The following PTPRD variants were observed in gnomAD, a reference collection of about 807,000 sequenced individuals.
PTPRD encodes protein tyrosine phosphatase receptor type D.
PTPRD carries 34 observed loss-of-function variants against 214.5 expected under a neutral mutation model. The observed-to-expected ratio is 0.16, with a 90% CI of 0.12 to 0.21. The LOEUF is 0.21. Among genes scored for constraint, PTPRD ranks in the 10% least tolerant of loss-of-function variants. The probability of loss-of-function intolerance (pLI) is 1.00; values close to 1 mark genes in which losing one functional copy is unlikely to be tolerated. For synonymous variants in PTPRD, 1,128 were observed against 845.7 expected (o/e 1.33, Z -5.79); for missense variants, 2,545 against 2,398.7 (o/e 1.06, Z -1.27).
chr9:10,507,984 A>G (rs1293820484), intron 2 of PTPRD, among the ~76,000 whole-genome samples: 2 of 152,188 alleles, frequency 1.3e-5, no homozygotes, highest in Non-Finnish European at 2.9e-5. Flanking sequence ...TGGCACAGCA[A>G]AAGAAACTAC....
At chr9:9,959,219 C>T (rs2094173682) in intron 4 of PTPRD, among the ~76,000 whole-genome samples, 1 of 151,996 alleles carries the variant, frequency 6.6e-6, no homozygotes, top group Non-Finnish European at 1.5e-5. Flanking sequence ...CCTTTGATGG[C>T]TAAGTGAAAT....
At chr9:9,309,358 T>C (rs1958169239) in intron 9 of PTPRD, among the ~76,000 whole-genome samples, 1 of 151,914 alleles carries the variant, frequency 6.6e-6, no homozygotes. Flanking sequence ...AAACAAAGAA[T>C]GTAATCTTTC....
intron 14 of PTPRD, among the ~76,000 whole-genome samples, chr9:8,585,139 T>A (rs1015627933): frequency 6.6e-6 from 1 of 152,152 alleles, no homozygotes; most frequent in East Asian, 1.9e-4. Flanking sequence ...AATACAATGC[T>A]TGCCACGTGA....
intron 4 of PTPRD, among the ~76,000 whole-genome samples, chr9:9,954,197 G>A (rs1011039381): frequency 2.7e-5 from 4 of 149,826 alleles, no homozygotes; most frequent in African/African-American, 9.8e-5. Context: ...TTGGGAGGCT[G>A]AGGGATGAGA....
At chr9:8,782,837 G>C (rs930724198) in intron 11 of PTPRD, among the ~76,000 whole-genome samples, 1 of 151,952 alleles carries the variant, frequency 6.6e-6, no homozygotes, top group African/African-American at 2.4e-5. Context: ...CTCGTGATCT[G>C]CCCTCCTTGG....
At chr9:9,297,535 C>T (rs1176638560) in intron 9 of PTPRD, among the ~76,000 whole-genome samples, 1 of 151,496 alleles carries the variant, frequency 6.6e-6, no homozygotes, top group African/African-American at 2.4e-5. Context: ...TCCAAAAAGA[C>T]ATATAGATTG....
intron 44 of PTPRD, 95 bp from the exon 45 acceptor site, chr9:8,320,061 C>T (rs1825817737): frequency 2.1e-6 from 3 of 1,439,276 alleles, no homozygotes; most frequent in South Asian, 1.4e-5. Flanking sequence ...AGCTTCCACA[C>T]TCCGTATCTC....
chr9:8,719,348 G>C (rs2098468032), intron 12 of PTPRD, among the ~76,000 whole-genome samples: 3 of 152,204 alleles, frequency 2.0e-5, no homozygotes, highest in African/African-American at 7.2e-5. Flanking sequence ...TGTTTATCAA[G>C]AGATGTGCTC....
chr9:10,482,529 G>C (rs1258598259), intron 2 of PTPRD, among the ~76,000 whole-genome samples: 3 of 151,408 alleles, frequency 2.0e-5, no homozygotes, highest in Admixed American at 6.6e-5. Context: ...AACCCTAAAA[G>C]ACCCCTCCAA....
chr9:8,599,815 C>CCATGTTGGT (rs1320176771), intron 14 of PTPRD, among the ~76,000 whole-genome samples: 1 of 151,894 alleles, frequency 6.6e-6, no homozygotes, highest in Non-Finnish European at 1.5e-5. Flanking sequence ...CGGGGCTTCT[C>CCATGTTGGT]CATGTTGGTC....
chr9:9,690,535 T>G (rs1258704514), intron 7 of PTPRD, among the ~76,000 whole-genome samples: 1 of 151,880 alleles, frequency 6.6e-6, no homozygotes, highest in Non-Finnish European at 1.5e-5. Context: ...TCTTATCCCC[T>G]CAAATCATTG....
At chr9:10,349,564 T>A (rs146312006) in intron 2 of PTPRD, among the ~76,000 whole-genome samples, 24 of 152,178 alleles carry the variant, frequency 1.6e-4, no homozygotes, top group African/African-American at 5.3e-4. Context: ...TGTCCCTCAG[T>A]ATTTTTTAGA....
At chr9:10,351,684 A>G (rs1242154709) in intron 2 of PTPRD, among the ~76,000 whole-genome samples, 3 of 150,716 alleles carry the variant, frequency 2.0e-5, no homozygotes, top group Non-Finnish European at 4.4e-5. Context: ...TTTTAATGAC[A>G]GAGAGGGTTC....
At chr9:10,374,614 C>G (rs570695824) in intron 2 of PTPRD, among the ~76,000 whole-genome samples, 77 of 152,086 alleles carry the variant, frequency 5.1e-4, no homozygotes, top group African/African-American at 1.8e-3. Flanking sequence ...ATCCTGCCTA[C>G]GTTTAGTGTC....
intron 5 of PTPRD, among the ~76,000 whole-genome samples, chr9:9,849,797 G>A (rs189587793): frequency 0.011 from 1,726 of 152,128 alleles, 9 homozygotes; most frequent in Non-Finnish European, 0.018. Context: ...AAGCCTCTAA[G>A]AATCAAATCA....
At chr9:9,342,093 G>A (rs2047028458) in intron 9 of PTPRD, among the ~76,000 whole-genome samples, 1 of 152,130 alleles carries the variant, frequency 6.6e-6, no homozygotes, top group African/African-American at 2.4e-5. Context: ...ACAGGTGTGA[G>A]CCACCACACC....
At chr9:9,953,641 A>G (rs2093648069) in intron 4 of PTPRD, among the ~76,000 whole-genome samples, 1 of 152,116 alleles carries the variant, frequency 6.6e-6, no homozygotes, top group Non-Finnish European at 1.5e-5. Flanking sequence ...GAGCAAATTA[A>G]CAGTCTGTGA....
In PTPRD at chr9:10,599,220, C is replaced by A. The variant is rs148348046; in HGVS notation, c.-600+13178G>T. On this transcript the variant is annotated intron_variant, in intron 2 of 45. Coordinates refer to ENST00000381196, the MANE Select transcript of PTPRD (RefSeq NM_002839.4). ...GCAGAAACCTGTATCTACGAATGACCATGAAAAAAACCATGTCATCCCATC... is the reference window on the plus strand; with the variant it reads ...GCAGAAACCTGTATCTACGAATGACAATGAAAAAAACCATGTCATCCCATC... 2.0e-4 allele frequency among the ~76,000 whole-genome samples: 30 copies of A among 151,680 alleles called. No individual in the cohort carries two copies. The East Asian group carries it at 4.9e-3, about 25-fold the overall frequency.
At chr9:9,111,448 G>A (rs937201479) in intron 10 of PTPRD, among the ~76,000 whole-genome samples, 2 of 151,942 alleles carry the variant, frequency 1.3e-5, no homozygotes, top group African/African-American at 4.8e-5. Context: ...CACTTTGGAT[G>A]TGGTCAGTCG....
Sources: allele counts gnomAD v4.1 joint callset (sites outside exome capture counted in the v4.1 genomes callset), GRCh38; gene constraint gnomAD v4.1.1; transcripts MANE v1.5; gene names NCBI Gene and HGNC (gene_info 2026-07-23, HGNC 2026-07-21).